The following RALYL variants were observed in gnomAD, a reference collection of about 807,000 sequenced individuals.
RALYL encodes RALY RNA binding protein like, also known as RNA-binding Raly-like protein.
RALYL carries 29 observed loss-of-function variants against 35.1 expected under a neutral mutation model. The observed-to-expected ratio is 0.83, with a 90% CI of 0.61 to 1.13. The LOEUF (loss-of-function observed/expected upper bound fraction) is 1.13, where lower values mean the gene tolerates loss of function less well. Among genes scored for constraint, RALYL ranks in the 50% most tolerant of loss-of-function variants. The pLI, the probability that RALYL is intolerant of heterozygous loss-of-function variation, is 0.00. For synonymous variants in RALYL, 120 were observed against 127.6 expected (o/e 0.94, Z 0.40); for missense variants, 359 against 360.4 (o/e 1.00, Z 0.03).
At chr8:84,855,438 A>G (rs984283537) in intron 5 of RALYL, among the ~76,000 whole-genome samples, 1 of 152,226 alleles carries the variant, frequency 6.6e-6, no homozygotes, top group Admixed American at 6.5e-5. Context: ...GTTCCACCTT[A>G]CTGTGATTCA....
At chr8:84,435,048 G>T (rs2047553958) in intron 1 of RALYL, among the ~76,000 whole-genome samples, 1 of 152,132 alleles carries the variant, frequency 6.6e-6, no homozygotes, top group African/African-American at 2.4e-5. Context: ...TCGGCTTTTA[G>T]ATGGAAGGAG....
intron 2 of RALYL, among the ~76,000 whole-genome samples, chr8:84,730,447 T>C (rs993051137): frequency 2.6e-5 from 4 of 152,082 alleles, no homozygotes; most frequent in Non-Finnish European, 5.9e-5. Context: ...GGGCAAAAAC[T>C]GGAAGCATTC....
chr8:84,593,589 G>A (rs1304673920), intron 2 of RALYL, among the ~76,000 whole-genome samples: 18 of 152,078 alleles, frequency 1.2e-4, no homozygotes, highest in Non-Finnish European at 2.9e-5. Context: ...CAGAGTAGAA[G>A]ACTTTATGAA....
rs182688087 is a variant in RALYL, at chr8:84,257,184, T to G, written c.-24+72760T>G. 1.5e-3 allele frequency among the ~76,000 whole-genome samples: 235 copies of G among 152,168 alleles called. 1 individual carries two copies. Among genetic ancestry groups the G allele is most frequent in the African/African-American group, 5.4e-3 (224 of 41,552 alleles). ...TTCGAGATTTTTTTTAAAGTTAATT[T>G]TTTTACAACAAAAATTATTCTTGAT... On this transcript the variant is annotated intron_variant, in intron 1 of 8. Coordinates refer to ENST00000521268, the MANE Select transcript of RALYL (RefSeq NM_173848.7).
chr8:84,321,819 T>C (rs1844880286), intron 1 of RALYL, among the ~76,000 whole-genome samples: 1 of 152,066 alleles, frequency 6.6e-6, no homozygotes, highest in African/African-American at 2.4e-5. Context: ...AAGACAGACT[T>C]AAAGTAAAGA....
chr8:84,347,228 AT>A (rs111947299), intron 1 of RALYL, among the ~76,000 whole-genome samples: 8,098 of 151,970 alleles, frequency 0.053, 287 homozygotes, highest in African/African-American at 0.092. Flanking sequence ...CCATTACAGT[AT>A]TTTTTAGCCC....
At chr8:84,829,153 G>A (rs1475290986) in intron 4 of RALYL, among the ~76,000 whole-genome samples, 1 of 152,096 alleles carries the variant, frequency 6.6e-6, no homozygotes, top group Non-Finnish European at 1.5e-5. Flanking sequence ...GAGAGCATGT[G>A]CAGGAGAACT....
chr8:84,887,623 G>T lies in RALYL; in HGVS notation c.705G>T (p.Leu235Phe), dbSNP rs1339884016. 1.2e-6 allele frequency: 2 copies of T among 1,609,430 alleles called. No individual in the cohort carries two copies. The highest frequency in any genetic ancestry group is 2.2e-5 in the South Asian group (2 of 90,392). Reference sequence around the variant, plus strand: ...CCCCAGAAGCTCAGAAGAAGCAATTGGAAGAGAGTCTAGTGCTGATCCAAG... The same window carrying T: ...CCCCAGAAGCTCAGAAGAAGCAATTTGAAGAGAGTCTAGTGCTGATCCAAG... Reference protein sequence around the residue: ...KAEAEAQKKQLEESLVLIQEE... With the variant: ...KAEAEAQKKQFEESLVLIQEE... Residue 235 changes from leucine (L) to phenylalanine (F), a missense_variant, in exon 8 of 9, where the codon TTG (leucine) becomes TTT (phenylalanine). Physicochemically the swap from Leu to Phe is conservative, Grantham distance 22 (BLOSUM62 0). Transcript: ENST00000521268.
At chr8:84,739,488 C>T (rs1429132776) in intron 2 of RALYL, among the ~76,000 whole-genome samples, 1 of 151,736 alleles carries the variant, frequency 6.6e-6, no homozygotes, top group East Asian at 1.9e-4. Flanking sequence ...TAAATGGTTC[C>T]ACCTACACCT....
At chr8:84,711,466 T>C (rs1842173787) in intron 2 of RALYL, among the ~76,000 whole-genome samples, 1 of 152,172 alleles carries the variant, frequency 6.6e-6, no homozygotes, top group South Asian at 2.1e-4. Flanking sequence ...CCAAAAGATA[T>C]TGTTTGACCA....
chr8:84,658,378 G>A (rs1830325804), intron 2 of RALYL, among the ~76,000 whole-genome samples: 5 of 152,150 alleles, frequency 3.3e-5, no homozygotes, highest in Admixed American at 3.3e-4. Context: ...TTTATGAAAA[G>A]TAAAGCTCTC....
chr8:84,317,064 G>T (rs1463383909), intron 1 of RALYL, among the ~76,000 whole-genome samples: 1 of 151,292 alleles, frequency 6.6e-6, no homozygotes, highest in Non-Finnish European at 1.5e-5. Context: ...TCAACATAAT[G>T]ATCCCATGTT....
chr8:84,242,064 C>T, intron 1 of RALYL, among the ~76,000 whole-genome samples: 1 of 152,176 alleles, frequency 6.6e-6, no homozygotes, highest in Non-Finnish European at 1.5e-5. Context: ...CATGTGTTCT[C>T]ATCGTTCAGC....
chr8:84,616,930 T>A (rs1484074123), intron 2 of RALYL, among the ~76,000 whole-genome samples: 2 of 150,182 alleles, frequency 1.3e-5, no homozygotes, highest in Non-Finnish European at 3.0e-5. Context: ...CTGAGGGCTC[T>A]GTTCTGTTCC....
At chr8:84,415,303 C>G (rs574053002) in intron 1 of RALYL, among the ~76,000 whole-genome samples, 1 of 150,442 alleles carries the variant, frequency 6.6e-6, no homozygotes, top group East Asian at 2.0e-4. Context: ...GGTGCAATCT[C>G]GGCTCGGCTC....
intron 1 of RALYL, among the ~76,000 whole-genome samples, chr8:84,471,791 T>C (rs1356343694): frequency 6.6e-6 from 1 of 152,234 alleles, no homozygotes; most frequent in Non-Finnish European, 1.5e-5. Flanking sequence ...GCAATACTAA[T>C]AAAACATTTC....
In RALYL at chr8:84,518,724, G is replaced by C. The variant is rs576025026; in HGVS notation, c.-23-10575G>C. ...ATGGGATTTAAGACCTTTCACTTTA[G>C]GGCCAGTCTTCCAAAGCTGCATCAG... On this transcript the variant is annotated intron_variant, in intron 1 of 8. Coordinates refer to ENST00000521268, the MANE Select transcript of RALYL (RefSeq NM_173848.7). Among the ~76,000 whole-genome samples the C allele has an allele frequency of 2.9e-4, 44 of 152,226 alleles. 1 individual carries two copies. Among genetic ancestry groups the C allele is most frequent in the Middle Eastern group, 6.8e-3 (2 of 294 alleles).
intron 4 of RALYL, among the ~76,000 whole-genome samples, chr8:84,825,695 C>A (rs1829525566): frequency 6.6e-6 from 1 of 152,022 alleles, no homozygotes; most frequent in Non-Finnish European, 1.5e-5. Context: ...TGGTGAAACC[C>A]CATCTCTACT....
At chr8:84,213,797 A>C (rs1183319945) in intron 1 of RALYL, among the ~76,000 whole-genome samples, 1 of 152,220 alleles carries the variant, frequency 6.6e-6, no homozygotes, top group African/African-American at 2.4e-5. Context: ...TATATGTTCG[A>C]ATGCTCAATT....
Sources: gnomAD v4.1 joint callset for allele counts (sites outside exome capture counted in the v4.1 genomes callset) on GRCh38, gnomAD v4.1.1 for gene constraint, MANE v1.5 for transcripts, NCBI Gene and HGNC (gene_info 2026-07-23, HGNC 2026-07-21) for gene names.